The following RGPD2 variants were observed in gnomAD, a reference collection of about 807,000 sequenced individuals.
The protein encoded by RGPD2 is RANBP2-like and GRIP domain-containing protein 2.
RGPD2 carries 2 observed loss-of-function variants against 36.0 expected under a neutral mutation model. The ratio of observed to expected loss-of-function variants is 0.06; its 90% CI spans 0.02 to 0.17. The LOEUF is 0.17. Ranked by LOEUF, RGPD2 falls within the 10% of genes least tolerant of loss-of-function variation. RGPD2 has a pLI of 1.00. For missense variants in RGPD2, 40 were observed against 464.3 expected, an observed-to-expected ratio of 0.09 and a Z score of 8.40; for synonymous variants, 19 against 163.8, an observed-to-expected ratio of 0.12 and a Z score of 6.75.
the RGPD2 span, among the ~76,000 whole-genome samples, chr2:87,915,306 G>T: frequency 8.1e-5 from 9 of 110,768 alleles, no homozygotes; most frequent in African/African-American, 1.2e-4. Context: ...TATATATATT[G>T]TATATATATG....
At chr2:87,878,931 C>A in the RGPD2 span, among the ~76,000 whole-genome samples, 1 of 152,080 alleles carries the variant, frequency 6.6e-6, no homozygotes, top group African/African-American at 2.4e-5. Context: ...ATGACTGAAT[C>A]GTATTCATTT....
In RGPD2 at chr2:87,783,173, A is replaced by T; in HGVS notation, c.3851T>A (p.Phe1284Tyr). 1 of 1,345,230 alleles carries T rather than the reference A, an allele frequency of 7.4e-7. No individual in the cohort carries two copies. Among genetic ancestry groups the T allele is most frequent in the East Asian group, 2.5e-5 (1 of 39,840 alleles). 83.3% of individuals were successfully genotyped at this position (1,345,230 alleles called of 1,614,324 possible). The change falls in exon 20 of 23, where the codon TTT becomes TAT. Residue 1284 changes from phenylalanine to tyrosine, a missense_variant. By Grantham distance (22) the Phe-to-Tyr change is conservative (BLOSUM62 3). Transcript: ENST00000398146. ...CAAAGCAGATTTAAAACTGAAGTTA[A>T]ATCCTGTTGTTGACTCATCAAAGCG... is the stretch of plus-strand genomic sequence containing the variant. ...IFRFDESTTG[F>Y]NFSFKSALSL...
the RGPD2 span, among the ~76,000 whole-genome samples, chr2:87,884,352 C>T: frequency 6.6e-6 from 1 of 151,790 alleles, no homozygotes; most frequent in Non-Finnish European, 1.5e-5. Context: ...AAGAAGACAG[C>T]TCTCAGATAA....
At chr2:87,912,142 G>C in the RGPD2 span, among the ~76,000 whole-genome samples, 3 of 146,446 alleles carry the variant, frequency 2.0e-5, no homozygotes, top group Non-Finnish European at 4.5e-5. Context: ...TATTATAAAA[G>C]CACTGTTTTA....
chr2:87,877,019 T>A, the RGPD2 span, among the ~76,000 whole-genome samples: 1 of 152,304 alleles, frequency 6.6e-6, no homozygotes, highest in Non-Finnish European at 1.5e-5. Context: ...AAACTAGAAT[T>A]GCAACCCCTG....
chr2:87,807,372 GTTAAA>G (rs1685991747), intron 6 of RGPD2, among the ~76,000 whole-genome samples: 1 of 136,666 alleles, frequency 7.3e-6, no homozygotes, highest in South Asian at 2.2e-4. Context: ...TCATTACAGC[GTTAAA>G]TTGTTTTTTT....
chr2:87,944,930 C>A, the RGPD2 span, among the ~76,000 whole-genome samples: 3 of 148,242 alleles, frequency 2.0e-5, no homozygotes, highest in East Asian at 6.0e-4. Flanking sequence ...GTCCTGAGAC[C>A]AAAACATTTT....
At chr2:87,876,394 T>C in the RGPD2 span, among the ~76,000 whole-genome samples, 1 of 152,228 alleles carries the variant, frequency 6.6e-6, no homozygotes, top group African/African-American at 2.4e-5. Context: ...TGAACACTGC[T>C]TTAGCTCCAT....
At chr2:87,922,106 A>G in the RGPD2 span, among the ~76,000 whole-genome samples, 1 of 151,786 alleles carries the variant, frequency 6.6e-6, no homozygotes, top group Non-Finnish European at 1.5e-5. Context: ...AGCCTGGTCA[A>G]CATGATGAAG....
chr2:87,864,962 T>A, the RGPD2 span, among the ~76,000 whole-genome samples: 1 of 152,200 alleles, frequency 6.6e-6, no homozygotes, highest in African/African-American at 2.4e-5. Flanking sequence ...TTTATAGGTG[T>A]GACCATTCGT....
chr2:87,866,674 G>A, the RGPD2 span, among the ~76,000 whole-genome samples: 1 of 152,258 alleles, frequency 6.6e-6, no homozygotes, highest in African/African-American at 2.4e-5. Flanking sequence ...TGGATGGGGT[G>A]CTTGGGCGGA....
At chr2:87,972,683 A>C in the RGPD2 span, 5 of 1,549,896 alleles carry the variant, frequency 3.2e-6, no homozygotes, top group Non-Finnish European at 4.4e-6. Flanking sequence ...CGGGAACGGC[A>C]GCGAGGAGGC....
chr2:87,905,263 T>C, the RGPD2 span, among the ~76,000 whole-genome samples: 677 of 152,318 alleles, frequency 4.4e-3, 1 homozygote, highest in African/African-American at 0.015. Context: ...CTCACTGAAC[T>C]GGAGACCAGT....
At chr2:87,932,643 C>G in the RGPD2 span, among the ~76,000 whole-genome samples, 1 of 150,378 alleles carries the variant, frequency 6.6e-6, no homozygotes, top group East Asian at 1.9e-4. Context: ...TAAGGCAGTT[C>G]TGGTGGTAAC....
chr2:87,773,512 A>ATGG (rs1454119522), intron 21 of RGPD2, among the ~76,000 whole-genome samples: 18 of 70,540 alleles, frequency 2.6e-4, no homozygotes, highest in Non-Finnish European at 4.9e-4. Flanking sequence ...CCTGGCCAAC[A>ATGG]TGGTGAAACC....
At chr2:87,830,304 G>T (rs1672452167), upstream of RGPD2, among the ~76,000 whole-genome samples, 1 of 152,228 alleles carries the variant, frequency 6.6e-6, no homozygotes, top group African/African-American at 2.4e-5. Context: ...TGGACATCCA[G>T]GCATTTCCAT....
chr2:87,839,141 G>GT, the RGPD2 span, among the ~76,000 whole-genome samples: 1 of 150,806 alleles, frequency 6.6e-6, no homozygotes, highest in African/African-American at 2.4e-5. Flanking sequence ...AAGGTCTAAT[G>GT]TTCAGAATCT....
At chr2:87,824,742 GGCCGCCGCCGCCGCC>G (rs1329887497) in intron 1 of RGPD2, among the ~76,000 whole-genome samples, 4 of 87,730 alleles carry the variant, frequency 4.6e-5, no homozygotes, top group Non-Finnish European at 7.1e-5. Flanking sequence ...GCCAGGCCGA[GGCCGCCGCCGCCGCC>G]GCCGCCGCCG....
chr2:87,965,091 C>T, the RGPD2 span, among the ~76,000 whole-genome samples: 1 of 142,336 alleles, frequency 7.0e-6, no homozygotes, highest in Non-Finnish European at 1.6e-5. Context: ...TATCTCAAAA[C>T]TTGGCCTTCG....
Sources: gnomAD v4.1 joint callset for allele counts (sites outside exome capture counted in the v4.1 genomes callset) on GRCh38, gnomAD v4.1.1 for gene constraint, MANE v1.5 for transcripts, NCBI Gene and HGNC (gene_info 2026-07-23, HGNC 2026-07-21) for gene names.